NPR2: variants seen among roughly 807,000 people sequenced by gnomAD.
NPR2 encodes the protein atrial natriuretic peptide receptor 2.
In NPR2, 49 loss-of-function variants were observed where a neutral mutation model predicts 120.7. The observed-to-expected ratio is 0.41, with a 90% CI of 0.32 to 0.52. The LOEUF is 0.52. Ranked by LOEUF, NPR2 falls within the 20% of genes least tolerant of loss-of-function variation. The probability of loss-of-function intolerance (pLI) is 0.36; values close to 1 mark genes in which losing one functional copy is unlikely to be tolerated. For synonymous variants in NPR2, 484 were observed against 519.8 expected (o/e 0.93, Z 0.94); for missense variants, 931 against 1,362.9 (o/e 0.68, Z 4.99).
intron 12 of NPR2, among the ~76,000 whole-genome samples, chr9:35,803,624 T>C (rs1828256577): frequency 6.6e-6 from 1 of 152,238 alleles, no homozygotes; most frequent in Admixed American, 6.5e-5. Context: ...TTATACTAGG[T>C]TTTAGCTATG....
chr9:35,796,550 G>A (rs1827949822), intron 2 of NPR2, among the ~76,000 whole-genome samples: 1 of 152,158 alleles, frequency 6.6e-6, no homozygotes, highest in African/African-American at 2.4e-5. Flanking sequence ...CCAGCCAAGA[G>A]TCCCCAGCAT....
chr9:35,809,118 T>C lies in NPR2; in HGVS notation c.2987-38T>C. On this transcript the variant is annotated intron_variant, in intron 20 of 21. Coordinates refer to ENST00000342694, the MANE Select transcript of NPR2 (RefSeq NM_003995.4). This position sits in a 1 kb window ranked among gnomAD's most constrained non-coding sequence, Gnocchi z 4.1. Reference sequence around the variant, plus strand: ...ATTATTTGATTGCCTTTTCTTTGATTCCTCATTCCACCATCCTCCCCATTC... The same window carrying C: ...ATTATTTGATTGCCTTTTCTTTGATCCCTCATTCCACCATCCTCCCCATTC... 5 of 1,554,846 alleles carry C rather than the reference T, an allele frequency of 3.2e-6. No individual in the cohort carries two copies. Among genetic ancestry groups the C allele is most frequent in the Non-Finnish European group, 4.4e-6 (5 of 1,126,484 alleles).
rs757655301 is a variant in NPR2 at position 35,808,527 on chromosome 9, G to A, written c.2731G>A (p.Ala911Thr). The A allele has an allele frequency of 2.5e-5, 41 of 1,613,958 alleles. No individual in the cohort carries two copies. Among genetic ancestry groups the A allele is most frequent in the Non-Finnish European group, 3.3e-5 (39 of 1,180,056 alleles). The change falls in exon 19 of 22, where the codon GCT becomes ACT. Residue 911 changes from alanine to threonine, a missense_variant. Ala to Thr is a moderately conservative substitution (Grantham distance 58). This residue lies in a region of NPR2 where 184 missense variants were observed against 328.3 expected (regional missense o/e 0.56). Coordinates refer to ENST00000342694, the MANE Select transcript of NPR2 (RefSeq NM_003995.4). This position sits in a 1 kb window ranked among gnomAD's most constrained non-coding sequence, Gnocchi z 4.0. ...DVYKVETIGD[A>T]YMVVSGLPGR... ...CAATCAGGTGGAGACGATTGGGGAT[G>A]CTTACATGGTGGTATCTGGCCTCCC...
rs1828416622 is a variant in NPR2, at chr9:35,806,917, A to G, written c.2520-106A>G. The G allele has an allele frequency of 2.0e-5, 26 of 1,303,042 alleles. No individual in the cohort carries two copies. In the South Asian group the frequency reaches 3.4e-4, roughly 17 times the overall value. The allele number at this position is 1,303,042 out of a possible 1,614,324, so 80.7% of individuals were successfully genotyped here. Reference sequence around the variant, plus strand: ...TTCCTCCCTCCCACCTGAAAAGCCTAGCTTTCTTGTTACAGCTCATCTCTG... The same window carrying G: ...TTCCTCCCTCCCACCTGAAAAGCCTGGCTTTCTTGTTACAGCTCATCTCTG... On this transcript the variant is annotated intron_variant, in intron 16 of 21. Coordinates refer to ENST00000342694, the MANE Select transcript of NPR2 (RefSeq NM_003995.4). This position sits in a 1 kb window ranked among gnomAD's most constrained non-coding sequence, Gnocchi z 4.6.
At chr9:35,803,792 A>G (rs1361820008) in intron 12 of NPR2, among the ~76,000 whole-genome samples, 1 of 152,230 alleles carries the variant, frequency 6.6e-6, no homozygotes, top group African/African-American at 2.4e-5. Context: ...CTGAATTCTC[A>G]TGAAGTTATT....
At position 35,792,344 on chromosome 9, in the gene NPR2, G is replaced by A; in HGVS notation, c.-65G>A. On this transcript the variant is annotated 5_prime_UTR_variant, in exon 1 of 22. Coordinates refer to ENST00000342694, the MANE Select transcript of NPR2 (RefSeq NM_003995.4). ...CCAGGCTCCAGGCTGGGGGGTGCTC[G>A]CGTCTCCCCTGTAGGCCAGAGCAGC... 1.3e-6 allele frequency: 2 copies of A among 1,532,398 alleles called. No individual in the cohort carries two copies. Among genetic ancestry groups the A allele is most frequent in the Non-Finnish European group, 1.8e-6 (2 of 1,134,770 alleles). The allele number at this position is 1,532,398 out of a possible 1,614,324, so 94.9% of individuals were successfully genotyped here. A position where few individuals can be genotyped will look rare whatever the true frequency, so the allele number is the denominator to read the frequency against.
rs1828363664 is a variant in NPR2, at chr9:35,806,032, C to G, written c.2204-33C>G. On this transcript the variant is annotated intron_variant, in intron 14 of 21. Coordinates refer to ENST00000342694, the MANE Select transcript of NPR2 (RefSeq NM_003995.4). This position sits in a 1 kb window ranked among gnomAD's most constrained non-coding sequence, Gnocchi z 4.6. ...ACAGCCTCTTCTTCCTGGGGGAACT[C>G]TGTTCTTCATCCAAACCTTTGATCA... 2 of 1,614,076 alleles carry G rather than the reference C, an allele frequency of 1.2e-6. No individual in the cohort carries two copies. Among genetic ancestry groups the G allele is most frequent in the Non-Finnish European group, 1.7e-6 (2 of 1,180,048 alleles).
intron 12 of NPR2, among the ~76,000 whole-genome samples, chr9:35,804,325 C>T (rs1335718213): frequency 6.6e-6 from 1 of 151,758 alleles, no homozygotes. Flanking sequence ...CTTCGACCTC[C>T]TGGGCTCAAG....
In NPR2 at chr9:35,809,156, C is replaced by T. The variant is rs143187530; in HGVS notation, c.2987C>T (p.Ala996Val). The T allele has an allele frequency of 1.2e-5, 19 of 1,613,228 alleles. No homozygotes were observed. The highest frequency in any genetic ancestry group is 1.2e-4 in the Admixed American group (7 of 59,984). ...TASRMESNGQ[A>V]LKIHVSSTTK... ...ATCCTCCCCATTCCACCCACCCCAG[C>T]GCTGAAGATCCATGTCTCCTCTACC... The change falls in exon 21 of 22, where the codon GCG becomes GTG. Residue 996 changes from alanine to valine, a missense_variant and splice_region_variant. Around this residue, in one of 3 missense-constraint regions of NPR2, gnomAD observed 184 missense variants for 328.3 expected, o/e 0.56. Transcript: ENST00000342694. The surrounding 1 kb of genome is among the most constrained non-coding windows in gnomAD (Gnocchi z 4.1).
rs138315850 is a variant in NPR2 at position 35,802,209 on chromosome 9, A to T, written c.1636A>T (p.Asn546Tyr). 6.2e-5 allele frequency: 99 copies of T among 1,600,096 alleles called. No homozygotes were observed. Among genetic ancestry groups the T allele is most frequent in the Admixed American group, 8.3e-5 (5 of 59,976 alleles). Residue 546 changes from asparagine (N) to tyrosine (Y), a missense_variant, in exon 10 of 22, where the codon AAT becomes TAT. Physicochemically the swap from Asn to Tyr is moderately radical, Grantham distance 143. Coordinates refer to ENST00000342694, the MANE Select transcript of NPR2 (RefSeq NM_003995.4). The surrounding 1 kb of genome is among the most constrained non-coding windows in gnomAD (Gnocchi z 4.2). ...CCCCTTTCACTCCCACCATCAGGGA[A>T]ATGTTGTCGCCATCAAACATGTGAA... The part of the protein sequence containing the change: ...IFANTGHFKG[N>Y]VVAIKHVNKK...
chr9:35,801,885 T>A, intron 8 of NPR2, 41 bp from the exon 9 acceptor site: 1 of 1,610,234 alleles, frequency 6.2e-7, no homozygotes, highest in Non-Finnish European at 8.5e-7. Context: ...TCATCTAATG[T>A]TCCTTTCATC....
rs752131387 is a variant in NPR2 at position 35,809,520 on chromosome 9, C to T, written c.*75C>T. 60 of 1,609,818 alleles carry T rather than the reference C, an allele frequency of 3.7e-5. No homozygotes were observed. Among genetic ancestry groups the T allele is most frequent in the Middle Eastern group, 1.6e-4 (1 of 6,074 alleles). On this transcript the variant is annotated 3_prime_UTR_variant, in exon 22 of 22. Coordinates refer to ENST00000342694, the MANE Select transcript of NPR2 (RefSeq NM_003995.4). The surrounding 1 kb of genome is among the most constrained non-coding windows in gnomAD (Gnocchi z 4.1). ...GGGCAATGGCCACCATGTCTGCACA[C>T]ACCAGAAATGGACATTTTCATATGC...
At position 35,802,383 on chromosome 9, in the gene NPR2, A is replaced by C. The variant is rs1048356023; in HGVS notation, c.1710+100A>C. The C allele has an allele frequency of 5.5e-5, 54 of 975,966 alleles. No homozygotes were observed. In the South Asian group the frequency reaches 7.0e-4, roughly 13 times the overall value. The allele number at this position is 975,966 out of a possible 1,614,324, so 60.5% of individuals were successfully genotyped here. On this transcript the variant is annotated intron_variant, in intron 10 of 21. Transcript: ENST00000342694. This position sits in a 1 kb window ranked among gnomAD's most constrained non-coding sequence, Gnocchi z 4.2. ...TAGATGGGCAAGGGGTTGATTTATAAATGATTTTAAAATCGTAGATACAAC... is the reference window on the plus strand; with the variant it reads ...TAGATGGGCAAGGGGTTGATTTATACATGATTTTAAAATCGTAGATACAAC...
At position 35,800,200 on chromosome 9, in the gene NPR2, GA is replaced by G; in HGVS notation, c.1123+45del. ...ATGGGGGTCTGAGGGCTGATGTCAG[GA>G]ATAGAGTGGGCTGAAGAAGAAACAG... On this transcript the variant is annotated intron_variant, in intron 4 of 21. Coordinates refer to ENST00000342694, the MANE Select transcript of NPR2 (RefSeq NM_003995.4). The surrounding 1 kb of genome is among the most constrained non-coding windows in gnomAD (Gnocchi z 4.7). 1 of 1,575,706 alleles carries G rather than the reference GA, an allele frequency of 6.3e-7. No homozygotes were observed. Among genetic ancestry groups the G allele is most frequent in the Non-Finnish European group, 8.7e-7 (1 of 1,145,024 alleles).
chr9:35,793,029 AG>A lies in NPR2; in HGVS notation c.626del (p.Gly209AlafsTer37). 3.1e-6 allele frequency: 5 copies of A among 1,607,966 alleles called. No individual in the cohort carries two copies. Among genetic ancestry groups the A allele is most frequent in the Non-Finnish European group, 1.7e-6 (2 of 1,176,906 alleles). ...AGCACCAGGTGTATGCCCGAGAGCCAGGGGGCCCCGAGCAGGCCACCCACTT... is the reference window on the plus strand; with the variant it reads ...AGCACCAGGTGTATGCCCGAGAGCCAGGGGCCCCGAGCAGGCCACCCACTT... Reference protein sequence around the residue: ...VQHQVYAREPGGPEQATHFIR... With the variant: ...VQHQVYAREPXGPEQATHFIR... On this transcript the variant is annotated frameshift_variant, in exon 1 of 22. Coordinates refer to ENST00000342694, the MANE Select transcript of NPR2 (RefSeq NM_003995.4). LOFTEE classifies it high-confidence loss of function.
rs1828664871 is a variant in NPR2, at chr9:35,809,719, A to T, written c.*274A>T. The T allele has an allele frequency of 6.3e-6, 8 of 1,278,986 alleles. No individual in the cohort carries two copies. The highest frequency in any genetic ancestry group is 1.8e-5 in the Admixed American group (1 of 54,068). The allele number at this position is 1,278,986 out of a possible 1,614,324, so 79.2% of individuals were successfully genotyped here. A position where few individuals can be genotyped will look rare whatever the true frequency, so the allele number is the denominator to read the frequency against. On this transcript the variant is annotated 3_prime_UTR_variant, in exon 22 of 22. Coordinates refer to ENST00000342694, the MANE Select transcript of NPR2 (RefSeq NM_003995.4). The surrounding 1 kb of genome is among the most constrained non-coding windows in gnomAD (Gnocchi z 4.1). The stretch of plus-strand genomic sequence containing the variant: ...TCAAATATAAAACAATAATAAAAAA[A>T]GTTCTGATGTCATAGTGTGGGATAG...
chr9:35,802,457 T>C lies in NPR2; in HGVS notation c.1711-46T>C, dbSNP rs1828206879. 8.6e-7 allele frequency: 1 copy of C among 1,166,868 alleles called. No individual in the cohort carries two copies. Among genetic ancestry groups the C allele is most frequent in the African/African-American group, 1.5e-5 (1 of 66,222 alleles). 72.3% of individuals were successfully genotyped at this position (1,166,868 alleles called of 1,614,324 possible). ...GTGGTAAGTTTCTGTATCTAATTTTTAACTCTTTCAATTTTCTTATCCTTC... is the reference window on the plus strand; with the variant it reads ...GTGGTAAGTTTCTGTATCTAATTTTCAACTCTTTCAATTTTCTTATCCTTC... On this transcript the variant is annotated intron_variant, in intron 10 of 21. Transcript: ENST00000342694. This position sits in a 1 kb window ranked among gnomAD's most constrained non-coding sequence, Gnocchi z 4.2.
rs1828627842 is a variant in NPR2, at chr9:35,809,307, T to C, written c.3078+60T>C. 3 of 1,610,484 alleles carry C rather than the reference T, an allele frequency of 1.9e-6. No homozygotes were observed. Among genetic ancestry groups the C allele is most frequent in the South Asian group, 1.1e-5 (1 of 91,012 alleles). ...GGGAGGGTGAAAGTGATTATGGGAA[T>C]CATAGGGAAAGAGAGGGAGACAAAG... On this transcript the variant is annotated intron_variant, in intron 21 of 21. Coordinates refer to ENST00000342694, the MANE Select transcript of NPR2 (RefSeq NM_003995.4). The surrounding 1 kb of genome is among the most constrained non-coding windows in gnomAD (Gnocchi z 4.1).
In NPR2 at chr9:35,809,151, C is replaced by G; in HGVS notation, c.2987-5C>G. ...CCACCATCCTCCCCATTCCACCCACCCCAGCGCTGAAGATCCATGTCTCCT... is the reference window on the plus strand; with the variant it reads ...CCACCATCCTCCCCATTCCACCCACGCCAGCGCTGAAGATCCATGTCTCCT... On this transcript the variant is annotated splice_polypyrimidine_tract_variant and splice_region_variant and intron_variant, in intron 20 of 21. Transcript: ENST00000342694. This position sits in a 1 kb window ranked among gnomAD's most constrained non-coding sequence, Gnocchi z 4.1. The G allele has an allele frequency of 6.2e-7, 1 of 1,613,010 alleles. No homozygotes were observed. Among genetic ancestry groups the G allele is most frequent in the Non-Finnish European group, 8.5e-7 (1 of 1,179,070 alleles).
Sources: allele counts gnomAD v4.1 joint callset (sites outside exome capture counted in the v4.1 genomes callset), GRCh38; gene constraint gnomAD v4.1.1; regional missense constraint gnomAD v4.1.1; non-coding constraint Gnocchi (gnomAD v3.1); transcripts MANE v1.5; gene names NCBI Gene and HGNC (gene_info 2026-07-23, HGNC 2026-07-21).